Variants in NPAS3 observed in about 807,000 individuals in gnomAD.
NPAS3 encodes neuronal PAS domain protein 3, also known as neuronal PAS domain-containing protein 3.
Under a neutral mutation model 73.1 loss-of-function variants are expected in NPAS3, and 14 were observed. That is an observed-to-expected ratio of 0.19 (90% CI 0.13 to 0.30). The LOEUF is 0.30. NPAS3 is among the 10% of genes least tolerant of loss of function. The pLI is 1.00. For missense variants in NPAS3, 1,096 were observed against 1,250.0 expected, an observed-to-expected ratio of 0.88 and a Z score of 1.86; for synonymous variants, 620 against 541.5, an observed-to-expected ratio of 1.14 and a Z score of -2.01.
chr14:33,557,044 G>A (rs116981489), intron 4 of NPAS3, among the ~76,000 whole-genome samples: 3 of 152,178 alleles, frequency 2.0e-5, no homozygotes, highest in African/African-American at 7.2e-5. Context: ...ACAAAGGGGA[G>A]GGTCCTAATT....
intron 3 of NPAS3, among the ~76,000 whole-genome samples, chr14:33,339,014 A>AT (rs982064941): frequency 6.6e-6 from 1 of 152,260 alleles, no homozygotes; most frequent in Admixed American, 6.5e-5. Context: ...GCTTACTGGG[A>AT]TTTTGTGCCA....
intron 7 of NPAS3, among the ~76,000 whole-genome samples, chr14:33,772,149 T>C (rs2062674546): frequency 6.6e-6 from 1 of 152,238 alleles, no homozygotes; most frequent in South Asian, 2.1e-4. Flanking sequence ...TGGTCGATAT[T>C]TTTAAAGGCA....
At chr14:33,594,002 T>C (rs1334922616) in intron 5 of NPAS3, among the ~76,000 whole-genome samples, 1 of 152,204 alleles carries the variant, frequency 6.6e-6, no homozygotes, top group South Asian at 2.1e-4. Flanking sequence ...TCCATTAGAC[T>C]AGGGTATCTT....
chr14:33,381,410 A>T (rs576667692), intron 4 of NPAS3, among the ~76,000 whole-genome samples: 4 of 152,200 alleles, frequency 2.6e-5, no homozygotes, highest in Non-Finnish European at 5.9e-5. Context: ...TAGGAATTGG[A>T]TTGCTGTGGA....
intron 3 of NPAS3, among the ~76,000 whole-genome samples, chr14:33,284,556 G>A (rs1384439705): frequency 6.6e-6 from 1 of 152,008 alleles, no homozygotes; most frequent in African/African-American, 2.4e-5. Context: ...CACATTATAT[G>A]CACTGTTTAT....
At chr14:33,275,768 C>T (rs2041300995) in intron 3 of NPAS3, among the ~76,000 whole-genome samples, 1 of 152,070 alleles carries the variant, frequency 6.6e-6, no homozygotes, top group Non-Finnish European at 1.5e-5. Flanking sequence ...AGTGGATAGT[C>T]ATAATAAATT....
intron 5 of NPAS3, among the ~76,000 whole-genome samples, chr14:33,662,434 C>A (rs1350679346): frequency 6.6e-6 from 1 of 152,132 alleles, no homozygotes; most frequent in East Asian, 1.9e-4. Context: ...TTTAAAATTC[C>A]AAAATGTGGT....
At chr14:33,730,133 C>T (rs2061365007) in intron 6 of NPAS3, among the ~76,000 whole-genome samples, 1 of 152,058 alleles carries the variant, frequency 6.6e-6, no homozygotes, top group African/African-American at 2.4e-5. Flanking sequence ...TAAAAGGAGC[C>T]ACACTAAGTG....
intron 1 of NPAS3, among the ~76,000 whole-genome samples, chr14:33,001,622 C>A (rs1438567249): frequency 6.6e-6 from 1 of 152,126 alleles, no homozygotes; most frequent in Non-Finnish European, 1.5e-5. Context: ...ACGTACCTTG[C>A]AGTTATGGTT....
chr14:32,959,216 T>G (rs2036806441), intron 1 of NPAS3, among the ~76,000 whole-genome samples: 1 of 152,224 alleles, frequency 6.6e-6, no homozygotes, highest in Non-Finnish European at 1.5e-5. Context: ...ACTTCTTTAT[T>G]TCTGCCTCGG....
chr14:33,238,257 A>G (rs1004194431), intron 3 of NPAS3, among the ~76,000 whole-genome samples: 3 of 152,004 alleles, frequency 2.0e-5, no homozygotes, highest in Non-Finnish European at 4.4e-5. Context: ...ATAATCTTCA[A>G]ATAGGAAGTA....
intron 2 of NPAS3, among the ~76,000 whole-genome samples, chr14:33,162,292 T>A (rs1475480615): frequency 6.6e-6 from 1 of 152,182 alleles, no homozygotes; most frequent in East Asian, 1.9e-4. Context: ...ATTTTTTCAA[T>A]CTTATTTTAT....
chr14:33,089,055 A>C (rs1285221230), intron 2 of NPAS3, among the ~76,000 whole-genome samples: 2 of 66,656 alleles, frequency 3.0e-5, no homozygotes, highest in African/African-American at 2.2e-4. Flanking sequence ...AGGAAGAAAC[A>C]GAGCAGAAAA....
intron 1 of NPAS3, among the ~76,000 whole-genome samples, chr14:33,018,937 A>G: frequency 1.3e-5 from 1 of 76,986 alleles, no homozygotes; most frequent in Admixed American, 1.5e-4. Flanking sequence ...GCAAATTTAT[A>G]AAAAAAAAAA....
chr14:33,410,670 G>A (rs1269875266), intron 4 of NPAS3, among the ~76,000 whole-genome samples: 1 of 152,132 alleles, frequency 6.6e-6, no homozygotes, highest in Non-Finnish European at 1.5e-5. Context: ...CCTTGAGATG[G>A]ATGCTCACTC....
chr14:33,092,782 T>A (rs923358167), intron 2 of NPAS3, among the ~76,000 whole-genome samples: 5 of 152,082 alleles, frequency 3.3e-5, no homozygotes, highest in Admixed American at 6.6e-5. Flanking sequence ...TCTAGACCAA[T>A]GGAACAGAAC....
chr14:33,721,779 A>G (rs1163888961), intron 6 of NPAS3, among the ~76,000 whole-genome samples: 1 of 152,206 alleles, frequency 6.6e-6, no homozygotes, highest in African/African-American at 2.4e-5. Context: ...AGCACTACGT[A>G]TATGATCTGA....
intron 2 of NPAS3, among the ~76,000 whole-genome samples, chr14:33,063,442 C>T (rs945406877): frequency 6.6e-6 from 1 of 152,010 alleles, no homozygotes; most frequent in Admixed American, 6.5e-5. Context: ...GCCACATCTA[C>T]CCCCAACCCC....
chr14:33,324,943 A>T (rs1566797071), intron 3 of NPAS3, among the ~76,000 whole-genome samples: 1 of 152,098 alleles, frequency 6.6e-6, no homozygotes, highest in African/African-American at 2.4e-5. Context: ...TTGTTTGTTT[A>T]GTTCTAAAGT....
Sources: gnomAD v4.1 joint callset for allele counts (sites outside exome capture counted in the v4.1 genomes callset) on GRCh38, gnomAD v4.1.1 for gene constraint, MANE v1.5 for transcripts, NCBI Gene and HGNC (gene_info 2026-07-23, HGNC 2026-07-21) for gene names.